The following ERBB4 variants were observed in gnomAD, a reference collection of about 807,000 sequenced individuals.
ERBB4 encodes the protein erb-b2 receptor tyrosine kinase 4.
ERBB4 carries 42 observed loss-of-function variants against 158.0 expected under a neutral mutation model. The ratio of observed to expected loss-of-function variants is 0.27; its 90% confidence interval spans 0.21 to 0.34. ERBB4 has a LOEUF of 0.34. Ranked by LOEUF, ERBB4 falls within the 10% of genes least tolerant of loss-of-function variation. ERBB4 has a pLI of 1.00. For missense variants in ERBB4, 1,333 were observed against 1,624.1 expected, an observed-to-expected ratio of 0.82 and a Z score of 3.08; for synonymous variants, 583 against 558.7, an observed-to-expected ratio of 1.04 and a Z score of -0.61.
intron 20 of ERBB4, among the ~76,000 whole-genome samples, chr2:211,548,839 G>T (rs186598777): frequency 2.4e-3 from 369 of 152,058 alleles, no homozygotes; most frequent in African/African-American, 8.5e-3. Context: ...TATTTGTTTC[G>T]ATTTTAAACT....
intron 1 of ERBB4, among the ~76,000 whole-genome samples, chr2:212,315,676 T>C (rs2087241260): frequency 6.6e-6 from 1 of 151,406 alleles, no homozygotes; most frequent in African/African-American, 2.4e-5. Context: ...TTTGGTTTTT[T>C]ACATGGTCTG....
intron 20 of ERBB4, among the ~76,000 whole-genome samples, chr2:211,509,003 C>A (rs1453611195): frequency 6.6e-6 from 1 of 152,006 alleles, no homozygotes; most frequent in Non-Finnish European, 1.5e-5. Flanking sequence ...ACTATGCAGC[C>A]ATAAAAAGAA....
intron 1 of ERBB4, among the ~76,000 whole-genome samples, chr2:212,158,218 T>C (rs1399716710): frequency 6.6e-6 from 1 of 151,890 alleles, no homozygotes; most frequent in Non-Finnish European, 1.5e-5. Context: ...AATGCAAAAA[T>C]AGAAGTGAAC....
chr2:212,048,288 A>C (rs912226733), intron 2 of ERBB4, among the ~76,000 whole-genome samples: 3 of 152,170 alleles, frequency 2.0e-5, no homozygotes, highest in Non-Finnish European at 4.4e-5. Flanking sequence ...GGAGTATTTA[A>C]GTGGTGGAGT....
intron 5 of ERBB4, among the ~76,000 whole-genome samples, chr2:211,726,870 A>T (rs533046156): frequency 1.3e-5 from 2 of 152,282 alleles, no homozygotes; most frequent in South Asian, 4.1e-4. Flanking sequence ...CCATAAGTTG[A>T]CCACCATCTC....
intron 20 of ERBB4, among the ~76,000 whole-genome samples, chr2:211,539,709 T>C (rs1161100037): frequency 6.6e-6 from 1 of 151,976 alleles, no homozygotes; most frequent in Non-Finnish European, 1.5e-5. Flanking sequence ...AATGCCATAC[T>C]ATACAAGCCT....
intron 1 of ERBB4, among the ~76,000 whole-genome samples, chr2:212,391,656 T>TATATTAC (rs1486614443): frequency 1.1e-4 from 16 of 141,606 alleles, no homozygotes; most frequent in African/African-American, 3.9e-4. Context: ...TTATATATTA[T>TATATTAC]ATTATGTATT....
At chr2:212,395,690 C>T (rs943870310) in intron 1 of ERBB4, among the ~76,000 whole-genome samples, 2 of 147,512 alleles carry the variant, frequency 1.4e-5, no homozygotes, top group Non-Finnish European at 3.0e-5. Context: ...CACAATCTCA[C>T]CTCACTGCAA....
chr2:211,704,222 T>C, intron 10 of ERBB4, 28 bp from the exon 11 acceptor site: 1 of 1,358,562 alleles, frequency 7.4e-7, no homozygotes, highest in Middle Eastern at 1.8e-4. Context: ...AAAAAATAAA[T>C]CAGAATATCA....
At chr2:211,461,108 T>C (rs992018441) in intron 20 of ERBB4, among the ~76,000 whole-genome samples, 1 of 152,112 alleles carries the variant, frequency 6.6e-6, no homozygotes, top group Non-Finnish European at 1.5e-5. Context: ...TCCCTGCTTT[T>C]GATTAAATCA....
At chr2:211,387,876 CGA>C in intron 26 of ERBB4, 67 bp downstream of exon 26, 1 of 1,194,920 alleles carries the variant, frequency 8.4e-7, no homozygotes, top group South Asian at 1.2e-5. Flanking sequence ...TATGCAGAGA[CGA>C]GAGAGGAAAC....
chr2:211,513,475 G>T (rs966265301), intron 20 of ERBB4, among the ~76,000 whole-genome samples: 1 of 150,610 alleles, frequency 6.6e-6, no homozygotes, highest in Non-Finnish European at 1.5e-5. Context: ...TTTTGTTTAA[G>T]AATTCTTTCC....
intron 1 of ERBB4, among the ~76,000 whole-genome samples, chr2:212,442,699 A>G (rs1284457712): frequency 6.6e-6 from 1 of 152,160 alleles, no homozygotes; most frequent in Non-Finnish European, 1.5e-5. Flanking sequence ...AGACATACTT[A>G]GCAATTGGCA....
intron 1 of ERBB4, among the ~76,000 whole-genome samples, chr2:212,231,140 T>C (rs1329999937): frequency 6.6e-6 from 1 of 152,152 alleles, no homozygotes; most frequent in African/African-American, 2.4e-5. Context: ...TACTTTGTTG[T>C]TTCAGAAATT....
chr2:212,183,104 T>A (rs2081922292), intron 1 of ERBB4, among the ~76,000 whole-genome samples: 1 of 151,820 alleles, frequency 6.6e-6, no homozygotes, highest in Admixed American at 6.6e-5. Flanking sequence ...TAAAACGATG[T>A]TTTAAGTTTG....
At position 212,191,689 on chromosome 2, in the gene ERBB4, GTTA is replaced by G. The variant is rs1559703046; in HGVS notation, c.83-66789_83-66787del. ...GTCATATATCGCGTGTGTTATACAT[GTTA>G]CATATAACACGTGTTATACATGTTA... On this transcript the variant is annotated intron_variant, in intron 1 of 27. Coordinates refer to ENST00000342788, the MANE Select transcript of ERBB4 (RefSeq NM_005235.3). 3.9e-5 allele frequency among the ~76,000 whole-genome samples: 2 copies of G among 50,944 alleles called. 1 individual carries two copies. Among genetic ancestry groups the G allele is most frequent in the Non-Finnish European group, 9.9e-5 (2 of 20,210 alleles). 33.4% of individuals were successfully genotyped at this position (50,944 alleles called of 152,430 possible).
chr2:212,031,650 T>G (rs982183035), intron 2 of ERBB4, among the ~76,000 whole-genome samples: 41 of 152,104 alleles, frequency 2.7e-4, no homozygotes, highest in African/African-American at 9.7e-4. Context: ...TTTATACCTG[T>G]TTTTATGGTT....
chr2:212,533,089 AAG>A (rs1421943844), intron 1 of ERBB4, among the ~76,000 whole-genome samples: 1 of 152,238 alleles, frequency 6.6e-6, no homozygotes, highest in East Asian at 1.9e-4. Context: ...GAAAAAATAA[AAG>A]AGACCATAGA....
chr2:211,708,086 A>G (rs2073518231), intron 9 of ERBB4, among the ~76,000 whole-genome samples: 1 of 151,948 alleles, frequency 6.6e-6, no homozygotes, highest in Non-Finnish European at 1.5e-5. Context: ...AAATATCTCT[A>G]TCTTTATACA....
Sources: allele counts gnomAD v4.1 joint callset (sites outside exome capture counted in the v4.1 genomes callset), GRCh38; gene constraint gnomAD v4.1.1; transcripts MANE v1.5; gene names NCBI Gene and HGNC (gene_info 2026-07-23, HGNC 2026-07-21).